MPDZ: variants seen among roughly 807,000 people sequenced by gnomAD.
MPDZ encodes the protein multiple PDZ domain crumbs cell polarity complex component, also known as multiple PDZ domain protein.
A neutral mutation model predicts 239.1 loss-of-function variants in MPDZ; 234 were observed. That is an observed-to-expected ratio of 0.98 (90% CI 0.88 to 1.09). MPDZ has a LOEUF of 1.09. Among genes scored for constraint, MPDZ ranks in the 50% least tolerant of loss-of-function variants. MPDZ has a pLI of 0.00. For synonymous variants in MPDZ, 1,048 were observed against 881.3 expected (o/e 1.19, Z -3.35); for missense variants, 3,175 against 2,510.0 (o/e 1.26, Z -5.66).
Position 13,138,067 on chromosome 9 carries a change from G to A in MPDZ, c.4090C>T (p.Leu1364Phe). ...EKGHSGLGLS[L>F]AGNKDRSRMS... Reference sequence around the variant, plus strand: ...CTGGATCGGTCTTTGTTCCCAGCAAGACTTAGGCCCAAACCACTATGACCT... The same window carrying A: ...CTGGATCGGTCTTTGTTCCCAGCAAAACTTAGGCCCAAACCACTATGACCT... Residue 1364 changes from leucine (L) to phenylalanine (F), a missense_variant, in exon 29 of 47, where the codon CTT becomes TTT. Leu to Phe is a conservative substitution (Grantham distance 22). Coordinates refer to ENST00000319217, the MANE Select transcript of MPDZ (RefSeq NM_001378778.1). 1 of 1,613,752 alleles carries A rather than the reference G, an allele frequency of 6.2e-7. No homozygotes were observed. Among genetic ancestry groups the A allele is most frequent in the African/African-American group, 1.3e-5 (1 of 75,040 alleles).
At chr9:13,156,247 T>C (rs1009170273) in intron 24 of MPDZ, among the ~76,000 whole-genome samples, 1 of 152,190 alleles carries the variant, frequency 6.6e-6, no homozygotes, top group Non-Finnish European at 1.5e-5. Flanking sequence ...AAGAAACTTG[T>C]CTTAGAAAGT....
At chr9:13,169,397 G>C (rs1951499043) in intron 21 of MPDZ, among the ~76,000 whole-genome samples, 1 of 151,932 alleles carries the variant, frequency 6.6e-6, no homozygotes, top group Non-Finnish European at 1.5e-5. Context: ...ATTATTCAAA[G>C]TAGAAATACC....
chr9:13,273,042 T>C (rs1973371024), intron 1 of MPDZ, among the ~76,000 whole-genome samples: 1 of 152,082 alleles, frequency 6.6e-6, no homozygotes, highest in African/African-American at 2.4e-5. Context: ...ATAAAATAGG[T>C]ACCAGAGAGC....
intron 21 of MPDZ, among the ~76,000 whole-genome samples, chr9:13,171,357 C>A (rs1423376344): frequency 3.9e-5 from 6 of 152,026 alleles, no homozygotes; most frequent in Non-Finnish European, 8.8e-5. Flanking sequence ...CATAATGTGC[C>A]CTTGGGTAAC....
In MPDZ at chr9:13,223,614, C is replaced by T. The variant is rs756516524; in HGVS notation, c.490G>A (p.Gly164Arg). The T allele has an allele frequency of 1.2e-6, 2 of 1,612,340 alleles. No individual in the cohort carries two copies. Among genetic ancestry groups the T allele is most frequent in the African/African-American group, 1.3e-5 (1 of 74,772 alleles). Residue 164 changes from glycine (G) to arginine (R), a missense_variant, in exon 5 of 47, where the codon GGA becomes AGA. By Grantham distance (125) the Gly-to-Arg change is moderately radical (BLOSUM62 -2). Transcript: ENST00000319217. ...TCTTGTATCTCTTGAACAAATATTCCCAGCTCTCCTCTGTTTTCACTTCTT... is the reference window on the plus strand; with the variant it reads ...TCTTGTATCTCTTGAACAAATATTCTCAGCTCTCCTCTGTTTTCACTTCTT... The part of the protein sequence containing the change: ...GLRSENRGEL[G>R]IFVQEIQEGS...
chr9:13,207,489 C>A (rs1957133682), intron 10 of MPDZ, among the ~76,000 whole-genome samples: 1 of 152,174 alleles, frequency 6.6e-6, no homozygotes, highest in African/African-American at 2.4e-5. Context: ...TCCGCAAGTC[C>A]TGTTACCTCA....
intron 21 of MPDZ, among the ~76,000 whole-genome samples, chr9:13,171,415 C>G (rs377346028): frequency 6.6e-6 from 1 of 152,100 alleles, no homozygotes; most frequent in Non-Finnish European, 1.5e-5. Context: ...CAGAGATAGA[C>G]AGGCTTGAGT....
In MPDZ at chr9:13,222,348, T is replaced by C. The variant is rs1417821567; in HGVS notation, c.632A>G (p.Lys211Arg). The change falls in exon 6 of 47, where the codon AAA becomes AGA. Residue 211 changes from lysine to arginine, a missense_variant. Transcript: ENST00000319217. The stretch of plus-strand genomic sequence containing the variant: ...AACTAGCTGGACAGTATCTTTGGCT[T>C]TCTGCAGGATGCTGATAGCCTGCTG... ...THQQAISILQ[K>R]AKDTVQLVIA... 6.2e-7 allele frequency: 1 copy of C among 1,612,992 alleles called. No individual in the cohort carries two copies. Among genetic ancestry groups the C allele is most frequent in the South Asian group, 1.1e-5 (1 of 91,064 alleles).
At chr9:13,148,625 T>A (rs1486639945) in intron 25 of MPDZ, among the ~76,000 whole-genome samples, 1 of 152,062 alleles carries the variant, frequency 6.6e-6, no homozygotes, top group Non-Finnish European at 1.5e-5. Context: ...CAAAAGTCAG[T>A]ATTCACATCT....
At chr9:13,147,516 A>C (rs376793452) in intron 26 of MPDZ, 32 bp downstream of exon 26, 11 of 1,512,526 alleles carry the variant, frequency 7.3e-6, no homozygotes, top group Middle Eastern at 1.7e-4. Flanking sequence ...CACTGTTTGG[A>C]TATGCCTACC....
chr9:13,136,409 G>A (rs892044205), intron 30 of MPDZ, among the ~76,000 whole-genome samples: 1 of 132,920 alleles, frequency 7.5e-6, no homozygotes, highest in African/African-American at 3.0e-5. Context: ...TCAGCTCACT[G>A]CAACCTCCGC....
intron 38 of MPDZ, 189 bp from the exon 39 acceptor site, chr9:13,119,838 G>C (rs1944062006): frequency 1.6e-6 from 1 of 615,278 alleles, no homozygotes; most frequent in African/African-American, 1.8e-5. Context: ...ATGTCTTACA[G>C]TGCTTCATAG....
chr9:13,272,180 T>C (rs1196331844), intron 1 of MPDZ, among the ~76,000 whole-genome samples: 2 of 152,100 alleles, frequency 1.3e-5, no homozygotes, highest in African/African-American at 4.8e-5. Context: ...TTATAACTTA[T>C]ACCACAATAA....
intron 12 of MPDZ, among the ~76,000 whole-genome samples, chr9:13,198,609 T>C (rs1955947453): frequency 1.3e-5 from 2 of 152,098 alleles, no homozygotes; most frequent in South Asian, 4.1e-4. Context: ...CATTTGTCCA[T>C]TTTGGCTTTG....
At chr9:13,126,627 A>G (rs1420412609) in intron 33 of MPDZ, 37 bp from the exon 34 acceptor site, 38 of 1,611,092 alleles carry the variant, frequency 2.4e-5, no homozygotes, top group Non-Finnish European at 3.2e-5. Context: ...GTGATATTCC[A>G]AAAGTAATTC....
chr9:13,193,966 G>C (rs1955292973), intron 13 of MPDZ, among the ~76,000 whole-genome samples: 1 of 152,204 alleles, frequency 6.6e-6, no homozygotes, highest in East Asian at 1.9e-4. Context: ...AAATTTTAAT[G>C]ATAACGTGCA....
In MPDZ at chr9:13,219,554, C is replaced by G; in HGVS notation, c.1086+5G>C. The G allele has an allele frequency of 6.2e-7, 1 of 1,610,838 alleles. No homozygotes were observed. The highest frequency in any genetic ancestry group is 8.5e-7 in the Non-Finnish European group (1 of 1,178,144). On this transcript the variant is annotated splice_donor_5th_base_variant and intron_variant, in intron 8 of 46. Transcript: ENST00000319217. ...CTTTCACATTAACTACTCTTAACTA[C>G]TTACCCGCAACTCTGGTGTTGAAGT...
intron 32 of MPDZ, among the ~76,000 whole-genome samples, chr9:13,131,758 C>G (rs991566307): frequency 6.6e-6 from 1 of 152,136 alleles, no homozygotes; most frequent in East Asian, 1.9e-4. Context: ...GGCTTCTGTA[C>G]GTTAAGTCCC....
At chr9:13,150,469 A>C (rs762443425) in intron 25 of MPDZ, 42 bp downstream of exon 25, 2 of 1,404,618 alleles carry the variant, frequency 1.4e-6, no homozygotes, top group South Asian at 3.6e-5. Context: ...TAAATAAAAC[A>C]AAACAAACAA....
Sources: gnomAD v4.1 joint callset for allele counts (sites outside exome capture counted in the v4.1 genomes callset) on GRCh38, gnomAD v4.1.1 for gene constraint, MANE v1.5 for transcripts, NCBI Gene and HGNC (gene_info 2026-07-23, HGNC 2026-07-21) for gene names.